TPO: variants seen among roughly 807,000 people sequenced by gnomAD.
The protein encoded by TPO is thyroid peroxidase.
In TPO, 78 loss-of-function variants were observed where a neutral mutation model predicts 96.9. The observed-to-expected ratio is 0.81, with a 90% CI of 0.67 to 0.97. The LOEUF (loss-of-function observed/expected upper bound fraction) is 0.97, where lower values mean the gene tolerates loss of function less well. TPO is among the 50% of genes least tolerant of loss of function. The pLI is 0.00. For synonymous variants in TPO, 547 were observed against 538.0 expected, an observed-to-expected ratio of 1.02 and a Z score of -0.23; for missense variants, 1,252 against 1,274.8, an observed-to-expected ratio of 0.98 and a Z score of 0.27.
At chr2:1,464,098 C>A (rs1668685042) in intron 7 of TPO, among the ~76,000 whole-genome samples, 1 of 152,170 alleles carries the variant, frequency 6.6e-6, no homozygotes, top group Admixed American at 6.5e-5. Context: ...ATTCTTACGC[C>A]TTTACATCCC....
At chr2:1,412,541 A>T (rs1573070331), upstream of TPO, among the ~76,000 whole-genome samples, 1 of 150,120 alleles carries the variant, frequency 6.7e-6, no homozygotes, top group East Asian at 2.1e-4. Flanking sequence ...GTTAAAGGCA[A>T]ATCATCACAT....
intron 5 of TPO, among the ~76,000 whole-genome samples, chr2:1,446,280 C>T (rs1298714901): frequency 6.6e-6 from 1 of 152,194 alleles, no homozygotes; most frequent in African/African-American, 2.4e-5. Flanking sequence ...TAGATGGTAA[C>T]CCCTGGGCCT....
chr2:1,509,646 C>T (rs542899094), intron 14 of TPO, among the ~76,000 whole-genome samples: 1 of 147,464 alleles, frequency 6.8e-6, no homozygotes, highest in East Asian at 2.1e-4. Context: ...CCTCTTCTTT[C>T]AGGCACACCC....
chr2:1,481,311 G>T (rs1670619119), intron 8 of TPO, among the ~76,000 whole-genome samples: 2 of 152,250 alleles, frequency 1.3e-5, no homozygotes, highest in Non-Finnish European at 2.9e-5. Flanking sequence ...GAGGCAGAGA[G>T]GAGGTAGCCA....
chr2:1,400,686 G>T (rs770860499), intron 1 of TPO, among the ~76,000 whole-genome samples: 12 of 147,360 alleles, frequency 8.1e-5, no homozygotes, highest in Non-Finnish European at 3.0e-5. Flanking sequence ...AAATGAAAAC[G>T]TAAATTTCCT....
chr2:1,379,702 C>T (rs1157308801), intron 1 of TPO, among the ~76,000 whole-genome samples: 2 of 152,186 alleles, frequency 1.3e-5, no homozygotes, highest in East Asian at 3.8e-4. Flanking sequence ...AGGCTCCCTC[C>T]TCCTGGCAGG....
rs181195404 is a variant in TPO, at chr2:1,422,399, A to T, written c.95-646A>T. On this transcript the variant is annotated intron_variant, in intron 2 of 16. Transcript: ENST00000329066. ...CCTCGTGCAGGCGCCGCGCTGGGCCATGGGGAGAGCGAGAGCCTGGTGTGC... is the reference window on the plus strand; with the variant it reads ...CCTCGTGCAGGCGCCGCGCTGGGCCTTGGGGAGAGCGAGAGCCTGGTGTGC... Among the ~76,000 whole-genome samples, 194 of 69,014 alleles carry T rather than the reference A, an allele frequency of 2.8e-3. 1 individual carries two copies. The highest frequency in any genetic ancestry group is 0.013 in the African/African-American group (191 of 15,118). 45.3% of individuals were successfully genotyped at this position (69,014 alleles called of 152,430 possible). A position where few individuals can be genotyped will look rare whatever the true frequency, so the allele number is the denominator to read the frequency against.
chr2:1,429,347 G>A (rs1025996013), intron 3 of TPO, among the ~76,000 whole-genome samples: 6 of 152,146 alleles, frequency 3.9e-5, no homozygotes, highest in East Asian at 1.9e-4. Context: ...CAGAAGAACC[G>A]TGAGCCAATT....
At chr2:1,475,873 C>T (rs1669878242) in intron 7 of TPO, among the ~76,000 whole-genome samples, 1 of 152,264 alleles carries the variant, frequency 6.6e-6, no homozygotes, top group Non-Finnish European at 1.5e-5. Flanking sequence ...GCTGCCAGGC[C>T]TGGGCGCTGC....
At chr2:1,452,809 A>G (rs1290888891) in intron 5 of TPO, among the ~76,000 whole-genome samples, 1 of 152,230 alleles carries the variant, frequency 6.6e-6, no homozygotes, top group African/African-American at 2.4e-5. Flanking sequence ...CAGTTTCTAG[A>G]AGATGCTCTG....
At chr2:1,537,442 C>CG (rs113619171) in intron 15 of TPO, among the ~76,000 whole-genome samples, 2 of 80,008 alleles carry the variant, frequency 2.5e-5, no homozygotes, top group Non-Finnish European at 5.5e-5. Flanking sequence ...GTGCAAACTC[C>CG]CAAATCTCCC....
chr2:1,461,161 G>T (rs886928859), intron 7 of TPO, among the ~76,000 whole-genome samples: 1 of 152,114 alleles, frequency 6.6e-6, no homozygotes, highest in Non-Finnish European at 1.5e-5. Flanking sequence ...GGGGAGGTTG[G>T]GGGGCCTCTG....
chr2:1,533,809 C>G (rs1374011360), intron 15 of TPO, among the ~76,000 whole-genome samples: 2 of 76,436 alleles, frequency 2.6e-5, no homozygotes, highest in Non-Finnish European at 5.5e-5. Context: ...TGCAACGTCC[C>G]CAAATCGCCC....
intron 8 of TPO, among the ~76,000 whole-genome samples, chr2:1,481,550 G>T (rs1285250293): frequency 6.6e-6 from 1 of 152,182 alleles, no homozygotes; most frequent in Non-Finnish European, 1.5e-5. Flanking sequence ...AGGGACTGCA[G>T]ATCTCCCTGG....
Position 1,540,594 on chromosome 2 carries a change from G to T in TPO, c.2619G>T (p.Trp873Cys), listed in dbSNP as rs140731896. The change falls in exon 16 of 17, where the codon TGG becomes TGT. Residue 873 changes from tryptophan to cysteine, a missense_variant and splice_region_variant. Trp to Cys is a radical substitution (Grantham distance 215, BLOSUM62 -2). Transcript: ENST00000329066. ...ATAACTGGACACGTGTCTCCCACAG[G>T]ACACGCACTGGCACTAAATCCACAC... ...AGLTSTVICR[W>C]TRTGTKSTLP... 305 of 1,613,256 alleles carry T rather than the reference G, an allele frequency of 1.9e-4. No individual in the cohort carries two copies. The highest frequency in any genetic ancestry group is 5.7e-4 in the Admixed American group (34 of 60,016).
At chr2:1,514,765 A>G (rs1674510861) in intron 14 of TPO, among the ~76,000 whole-genome samples, 1 of 152,214 alleles carries the variant, frequency 6.6e-6, no homozygotes, top group South Asian at 2.1e-4. Context: ...TGAAAATGCC[A>G]AGAAACAAAA....
Position 1,535,663 on chromosome 2 carries a change from C to CT in TPO, c.2619-4931_2619-4930insT, listed in dbSNP as rs560320432. ...TCGCTGTGTGCAACCTCCTCAAATC[C>CT]CCCCACTCTGTGCAACCTCCCCACA... On this transcript the variant is annotated intron_variant, in intron 15 of 16. Transcript: ENST00000329066. Among the ~76,000 whole-genome samples the CT allele has an allele frequency of 3.6e-3, 367 of 102,952 alleles. 58 individuals are homozygous for CT. The highest frequency in any genetic ancestry group is 0.012 in the African/African-American group (338 of 28,440). 67.5% of individuals were successfully genotyped at this position (102,952 alleles called of 152,430 possible).
chr2:1,395,682 G>A (rs1182932423), intron 1 of TPO, among the ~76,000 whole-genome samples: 6 of 152,286 alleles, frequency 3.9e-5, no homozygotes, highest in Middle Eastern at 3.4e-3. Flanking sequence ...GAGGGACCTG[G>A]TGGGAGGTAA....
intron 1 of TPO, among the ~76,000 whole-genome samples, chr2:1,405,763 T>C (rs1662241767): frequency 1.3e-5 from 2 of 152,234 alleles, no homozygotes; most frequent in Admixed American, 1.3e-4. Context: ...GAACATCTTA[T>C]TCATGTTCAC....
Sources: allele counts gnomAD v4.1 joint callset (sites outside exome capture counted in the v4.1 genomes callset), GRCh38; gene constraint gnomAD v4.1.1; transcripts MANE v1.5; gene names NCBI Gene and HGNC (gene_info 2026-07-23, HGNC 2026-07-21).